Variants in OR5T3 observed in about 807,000 individuals in gnomAD.
OR5T3 encodes olfactory receptor family 5 subfamily T member 3, also known as olfactory receptor 5T3.
Under a neutral mutation model 14.0 loss-of-function variants are expected in OR5T3, and 14 were observed. The ratio of observed to expected loss-of-function variants is 1.00; its 90% CI spans 0.66 to 1.56. The LOEUF (loss-of-function observed/expected upper bound fraction) is 1.56, where lower values mean the gene tolerates loss of function less well. OR5T3 is among the 40% of genes most tolerant of loss of function. OR5T3 has a pLI of 0.00. For missense variants in OR5T3, 410 were observed against 374.2 expected (o/e 1.10, Z -0.79); for synonymous variants, 150 against 137.2 (o/e 1.09, Z -0.65).
In OR5T3 at chr11:56,252,445, T is replaced by A; in HGVS notation, c.192T>A (p.Asp64Glu). 6.2e-7 allele frequency: 1 copy of A among 1,613,814 alleles called. No individual in the cohort carries two copies. The highest frequency in any genetic ancestry group is 8.5e-7 in the Non-Finnish European group (1 of 1,179,796). The change falls in exon 1 of 1, where the codon GAT becomes GAA. Residue 64 changes from aspartate to glutamate, a missense_variant. Asp to Glu is a conservative substitution (Grantham distance 45, BLOSUM62 2). Coordinates refer to ENST00000313033, the MANE Select transcript of OR5T3 (RefSeq NM_001004747.2). Reference sequence around the variant, plus strand: ...GGCTGGTTGTGTTGGTCATTGAGGATTCCTGGCTCCACAACCCCATGTATT... The same window carrying A: ...GGCTGGTTGTGTTGGTCATTGAGGAATCCTGGCTCCACAACCCCATGTATT... ...NLGLVVLVIE[D>E]SWLHNPMYYF... is the part of the protein sequence containing the mutation.
In OR5T3 at chr11:56,253,068, T is replaced by TA; in HGVS notation, c.815_816insA (p.Met272IlefsTer12). 1.9e-6 allele frequency: 3 copies of TA among 1,613,646 alleles called. No individual in the cohort carries two copies. Among genetic ancestry groups the TA allele is most frequent in the Non-Finnish European group, 2.5e-6 (3 of 1,179,666 alleles). The stretch of plus-strand genomic sequence containing the variant: ...CATGGAACAATTCTCGTCAGTTATA[T>TA]GAGACCAAGTTCCAGCTATGCTTCA... On this transcript the variant is annotated frameshift_variant, in exon 1 of 1. Coordinates refer to ENST00000313033, the MANE Select transcript of OR5T3 (RefSeq NM_001004747.2). LOFTEE classifies it high-confidence loss of function.
rs370690239 is a variant in OR5T3, at chr11:56,252,490, A to C, written c.237A>C (p.Ser79=). 13 of 1,613,790 alleles carry C rather than the reference A, an allele frequency of 8.1e-6. No homozygotes were observed. The highest frequency in any genetic ancestry group is 1.3e-5 in the African/African-American group (1 of 75,012). ...NPMYYFLSVL[S]FLDACYSTVV... ...TGTATTATTTTCTTAGTGTTTTATCATTCTTGGATGCTTGCTATTCTACAG... is the reference window on the plus strand; with the variant it reads ...TGTATTATTTTCTTAGTGTTTTATCCTTCTTGGATGCTTGCTATTCTACAG... Residue 79 remains serine, a synonymous_variant, in exon 1 of 1, where the codon TCA becomes TCC. Transcript: ENST00000313033.
chr11:56,252,904 T>G lies in OR5T3; in HGVS notation c.651T>G (p.Ser217=), dbSNP rs1590806787. 16 of 1,613,828 alleles carry G rather than the reference T, an allele frequency of 9.9e-6. No individual in the cohort carries two copies. The highest frequency in any genetic ancestry group is 1.3e-5 in the Non-Finnish European group (15 of 1,179,756). The change falls in exon 1 of 1, where the codon TCT becomes TCG. Residue 217 remains serine, a synonymous_variant. Coordinates refer to ENST00000313033, the MANE Select transcript of OR5T3 (RefSeq NM_001004747.2). The part of the protein sequence containing the change: ...NQLLLFYFVG[S]IEIVTILIVL... ...TTCTACTCTTCTACTTTGTGGGTTC[T>G]ATTGAGATAGTCACTATCCTGATTG...
chr11:56,252,493 C>G lies in OR5T3; in HGVS notation c.240C>G (p.Phe80Leu). The change falls in exon 1 of 1, where the codon TTC becomes TTG. Residue 80 changes from phenylalanine to leucine, a missense_variant. Phe to Leu is a conservative substitution (Grantham distance 22). Transcript: ENST00000313033. ...ATTATTTTCTTAGTGTTTTATCATTCTTGGATGCTTGCTATTCTACAGTTG... is the reference window on the plus strand; with the variant it reads ...ATTATTTTCTTAGTGTTTTATCATTGTTGGATGCTTGCTATTCTACAGTTG... The part of the protein sequence containing the change: ...PMYYFLSVLS[F>L]LDACYSTVVT... 6.2e-7 allele frequency: 1 copy of G among 1,613,804 alleles called. No individual in the cohort carries two copies. Among genetic ancestry groups the G allele is most frequent in the Non-Finnish European group, 8.5e-7 (1 of 1,179,816 alleles).
chr11:56,253,211 G>A lies in OR5T3; in HGVS notation c.958G>A (p.Val320Ile), dbSNP rs1565089508. The change falls in exon 1 of 1, where the codon GTT becomes ATT. Residue 320 changes from valine to isoleucine, a missense_variant. Val to Ile is a conservative substitution (Grantham distance 29). Transcript: ENST00000313033. ...KKAVKKMLKL[V>I]YK ...GGCAGTGAAGAAAATGTTGAAATTG[G>A]TTTACAAATGAAGAATATATTTAAA... 2.0e-6 allele frequency: 3 copies of A among 1,536,130 alleles called. No homozygotes were observed. The highest frequency in any genetic ancestry group is 2.6e-6 in the Non-Finnish European group (3 of 1,139,712).
Position 56,252,790 on chromosome 11 carries a change from C to T in OR5T3, c.537C>T (p.Ser179=). 1 of 1,613,852 alleles carries T rather than the reference C, an allele frequency of 6.2e-7. No homozygotes were observed. The highest frequency in any genetic ancestry group is 1.1e-5 in the South Asian group (1 of 91,070). Residue 179 remains serine (S), a synonymous_variant, in exon 1 of 1, where the codon TCC becomes TCT. Coordinates refer to ENST00000313033, the MANE Select transcript of OR5T3 (RefSeq NM_001004747.2). ...ATATAGTGGCTACATTTAGCCTGTCCTTCTGTGGATCCAATGAAATTAGGC... is the reference window on the plus strand; with the variant it reads ...ATATAGTGGCTACATTTAGCCTGTCTTTCTGTGGATCCAATGAAATTAGGC... ...TIHIVATFSL[S]FCGSNEIRHV... is the part of the protein sequence containing the mutation.
At position 56,252,257 on chromosome 11, in the gene OR5T3, G is replaced by A. The variant is rs768529559; in HGVS notation, c.4G>A (p.Asp2Asn). ...TAACCTGCAAGTAAAAACTGAAATGGACAAGTTGTCATCAGGTTTGGATAT... is the reference window on the plus strand; with the variant it reads ...TAACCTGCAAGTAAAAACTGAAATGAACAAGTTGTCATCAGGTTTGGATAT... M[D>N]KLSSGLDIYR... is the part of the protein sequence containing the mutation. The change falls in exon 1 of 1, where the codon GAC (aspartate) becomes AAC (asparagine). Residue 2 changes from aspartate (D) to asparagine (N), a missense_variant. Coordinates refer to ENST00000313033, the MANE Select transcript of OR5T3 (RefSeq NM_001004747.2). 4 of 1,612,036 alleles carry A rather than the reference G, an allele frequency of 2.5e-6. No individual in the cohort carries two copies. The South Asian group carries it at 3.3e-5, about 13-fold the overall frequency.
In OR5T3 at chr11:56,252,614, A is replaced by G; in HGVS notation, c.361A>G (p.Thr121Ala). Reference protein sequence around the residue: ...TQMLLFVTFGTTECFLLAAMA... With the variant: ...TQMLLFVTFGATECFLLAAMA... ...GATGCTTCTTTTTGTTACTTTTGGA[A>G]CTACAGAATGTTTTCTCTTGGCTGC... Residue 121 changes from threonine to alanine, a missense_variant, in exon 1 of 1, where the codon ACT becomes GCT. Physicochemically the swap from Thr to Ala is moderately conservative, Grantham distance 58 (BLOSUM62 0). Coordinates refer to ENST00000313033, the MANE Select transcript of OR5T3 (RefSeq NM_001004747.2). 1 of 1,613,888 alleles carries G rather than the reference A, an allele frequency of 6.2e-7. No homozygotes were observed. Among genetic ancestry groups the G allele is most frequent in the Non-Finnish European group, 8.5e-7 (1 of 1,179,846 alleles).
At position 56,252,700 on chromosome 11, in the gene OR5T3, A is replaced by C; in HGVS notation, c.447A>C (p.Ser149=). ...CTCTCCTGTATTCAGTGAGCATGTC[A>C]CCCAGAGTCTATGTGCCACTCATCA... ...YNPLLYSVSM[S]PRVYVPLITA... Residue 149 remains serine, a synonymous_variant, in exon 1 of 1, where the codon TCA becomes TCC. Transcript: ENST00000313033. 1 of 1,613,446 alleles carries C rather than the reference A, an allele frequency of 6.2e-7. No homozygotes were observed. The highest frequency in any genetic ancestry group is 8.5e-7 in the Non-Finnish European group (1 of 1,179,826).
chr11:56,253,208 T>C lies in OR5T3; in HGVS notation c.955T>C (p.Leu319=). 6.4e-7 allele frequency: 1 copy of C among 1,552,590 alleles called. No individual in the cohort carries two copies. The highest frequency in any genetic ancestry group is 8.7e-7 in the Non-Finnish European group (1 of 1,150,416). The change falls in exon 1 of 1, where the codon TTG becomes CTG. Residue 319 remains leucine (L), a synonymous_variant. Coordinates refer to ENST00000313033, the MANE Select transcript of OR5T3 (RefSeq NM_001004747.2). The part of the protein sequence containing the change: ...VKKAVKKMLK[L]VYK ...AAAGGCAGTGAAGAAAATGTTGAAA[T>C]TGGTTTACAAATGAAGAATATATTT...
chr11:56,252,999 C>A lies in OR5T3; in HGVS notation c.746C>A (p.Ala249Asp). 6.2e-7 allele frequency: 1 copy of A among 1,613,468 alleles called. No individual in the cohort carries two copies. ...CATTCTGCTAAGGGAAGGCAAAAGGCCTTCTCTACATGTGGCTCTCACCTA... is the reference window on the plus strand; with the variant it reads ...CATTCTGCTAAGGGAAGGCAAAAGGACTTCTCTACATGTGGCTCTCACCTA... Reference protein sequence around the residue: ...KMHSAKGRQKAFSTCGSHLTG... With the variant: ...KMHSAKGRQKDFSTCGSHLTG... The change falls in exon 1 of 1, where the codon GCC (alanine) becomes GAC (aspartate). Residue 249 changes from alanine (A) to aspartate (D), a missense_variant. By Grantham distance (126) the Ala-to-Asp change is moderately radical (BLOSUM62 -2). Coordinates refer to ENST00000313033, the MANE Select transcript of OR5T3 (RefSeq NM_001004747.2).
Position 56,253,067 on chromosome 11 carries a change from A to AACT in OR5T3, c.814_815insACT (p.Met272delinsAsnLeu). The AACT allele has an allele frequency of 3.1e-6, 5 of 1,613,712 alleles. No individual in the cohort carries two copies. Among genetic ancestry groups the AACT allele is most frequent in the Non-Finnish European group, 4.2e-6 (5 of 1,179,736 alleles). ...TCATGGAACAATTCTCGTCAGTTAT[A>AACT]TGAGACCAAGTTCCAGCTATGCTTC... On this transcript the variant is annotated protein_altering_variant, in exon 1 of 1. Coordinates refer to ENST00000313033, the MANE Select transcript of OR5T3 (RefSeq NM_001004747.2).
Position 56,252,488 on chromosome 11 carries a change from T to A in OR5T3, c.235T>A (p.Ser79Thr). 6.2e-7 allele frequency: 1 copy of A among 1,613,914 alleles called. No individual in the cohort carries two copies. ...NPMYYFLSVLSFLDACYSTVV... is the reference protein window; with the variant it reads ...NPMYYFLSVLTFLDACYSTVV... ...CATGTATTATTTTCTTAGTGTTTTA[T>A]CATTCTTGGATGCTTGCTATTCTAC... is the stretch of plus-strand genomic sequence containing the variant. The change falls in exon 1 of 1, where the codon TCA (serine) becomes ACA (threonine). Residue 79 changes from serine to threonine, a missense_variant. Coordinates refer to ENST00000313033, the MANE Select transcript of OR5T3 (RefSeq NM_001004747.2).
Position 56,252,264 on chromosome 11 carries a change from T to C in OR5T3, c.11T>C (p.Leu4Ser). 6 of 1,612,220 alleles carry C rather than the reference T, an allele frequency of 3.7e-6. No individual in the cohort carries two copies. Among genetic ancestry groups the C allele is most frequent in the Non-Finnish European group, 5.1e-6 (6 of 1,178,630 alleles). The change falls in exon 1 of 1, where the codon TTG becomes TCG. Residue 4 changes from leucine (L) to serine (S), a missense_variant. By Grantham distance (145) the Leu-to-Ser change is moderately radical. Transcript: ENST00000313033. ...CAAGTAAAAACTGAAATGGACAAGTTGTCATCAGGTTTGGATATATACAGG... is the reference window on the plus strand; with the variant it reads ...CAAGTAAAAACTGAAATGGACAAGTCGTCATCAGGTTTGGATATATACAGG... MDKLSSGLDIYRNP... is the reference protein window; with the variant it reads MDKSSSGLDIYRNP...
In OR5T3 at chr11:56,253,072, A is replaced by G. The variant is rs753537296; in HGVS notation, c.819A>G (p.Arg273=). Residue 273 remains arginine (R), a synonymous_variant, in exon 1 of 1, where the codon AGA becomes AGG. Coordinates refer to ENST00000313033, the MANE Select transcript of OR5T3 (RefSeq NM_001004747.2). The part of the protein sequence containing the change: ...YHGTILVSYM[R]PSSSYASDHD... The stretch of plus-strand genomic sequence containing the variant: ...GAACAATTCTCGTCAGTTATATGAG[A>G]CCAAGTTCCAGCTATGCTTCAGACC... 3 of 1,613,702 alleles carry G rather than the reference A, an allele frequency of 1.9e-6. No homozygotes were observed. The highest frequency in any genetic ancestry group is 1.7e-6 in the Non-Finnish European group (2 of 1,179,726).
chr11:56,252,668 T>G lies in OR5T3; in HGVS notation c.415T>G (p.Tyr139Asp), dbSNP rs746693340. 2 of 1,613,948 alleles carry G rather than the reference T, an allele frequency of 1.2e-6. No individual in the cohort carries two copies. Among genetic ancestry groups the G allele is most frequent in the Middle Eastern group, 1.6e-4 (1 of 6,062 alleles). The change falls in exon 1 of 1, where the codon TAC (tyrosine) becomes GAC (aspartate). Residue 139 changes from tyrosine to aspartate, a missense_variant. By Grantham distance (160) the Tyr-to-Asp change is radical (BLOSUM62 -3). Coordinates refer to ENST00000313033, the MANE Select transcript of OR5T3 (RefSeq NM_001004747.2). ...GGCTTATGATCACTATGTAGCCATCTACAACCCTCTCCTGTATTCAGTGAG... is the reference window on the plus strand; with the variant it reads ...GGCTTATGATCACTATGTAGCCATCGACAACCCTCTCCTGTATTCAGTGAG... ...AMAYDHYVAI[Y>D]NPLLYSVSMS...
Position 56,253,167 on chromosome 11 carries a change from G to C in OR5T3, c.914G>C (p.Arg305Thr). ...PKLNPIIYSL[R>T]NKEVKKAVKK... Reference sequence around the variant, plus strand: ...TTGAATCCCATCATCTATAGTTTGAGGAACAAAGAAGTAAAAAAGGCAGTG... The same window carrying C: ...TTGAATCCCATCATCTATAGTTTGACGAACAAAGAAGTAAAAAAGGCAGTG... The change falls in exon 1 of 1, where the codon AGG (arginine) becomes ACG (threonine). Residue 305 changes from arginine (R) to threonine (T), a missense_variant. By Grantham distance (71) the Arg-to-Thr change is moderately conservative. Transcript: ENST00000313033. 5 of 1,594,800 alleles carry C rather than the reference G, an allele frequency of 3.1e-6. No individual in the cohort carries two copies. In the South Asian group the frequency reaches 4.5e-5, roughly 15 times the overall value.
At position 56,253,083 on chromosome 11, in the gene OR5T3, G is replaced by T. The variant is rs751870200; in HGVS notation, c.830G>T (p.Ser277Ile). The T allele has an allele frequency of 6.2e-5, 100 of 1,613,406 alleles. No individual in the cohort carries two copies. Among genetic ancestry groups the T allele is most frequent in the Middle Eastern group, 1.6e-4 (1 of 6,084 alleles). Reference sequence around the variant, plus strand: ...GTCAGTTATATGAGACCAAGTTCCAGCTATGCTTCAGACCATGACATCATA... The same window carrying T: ...GTCAGTTATATGAGACCAAGTTCCATCTATGCTTCAGACCATGACATCATA... ...ILVSYMRPSSSYASDHDIIVS... is the reference protein window; with the variant it reads ...ILVSYMRPSSIYASDHDIIVS... Residue 277 changes from serine to isoleucine, a missense_variant, in exon 1 of 1, where the codon AGC becomes ATC. Transcript: ENST00000313033.
Position 56,252,853 on chromosome 11 carries a change from T to C in OR5T3, c.600T>C (p.Ser200=). The stretch of plus-strand genomic sequence containing the variant: ...ATATGCCTCCTCTCCTTGCTATTTC[T>C]TGTTCTGACACTCACACAAACCAGC... ...FCDMPPLLAI[S]CSDTHTNQLL... The change falls in exon 1 of 1, where the codon TCT becomes TCC. Residue 200 remains serine (S), a synonymous_variant. Transcript: ENST00000313033. 6.2e-7 allele frequency: 1 copy of C among 1,613,906 alleles called. No individual in the cohort carries two copies. Among genetic ancestry groups the C allele is most frequent in the Non-Finnish European group, 8.5e-7 (1 of 1,179,824 alleles).
Sources: allele counts gnomAD v4.1 joint callset, GRCh38; gene constraint gnomAD v4.1.1; transcripts MANE v1.5; gene names NCBI Gene and HGNC (gene_info 2026-07-23, HGNC 2026-07-21).